Variants in XKRX observed in about 807,000 individuals in gnomAD.
XKRX encodes the protein XK-related protein 2.
XKRX carries 11 observed loss-of-function variants against 22.4 expected under a neutral mutation model. The observed-to-expected ratio is 0.49, with a 90% CI of 0.31 to 0.81. XKRX has a LOEUF of 0.81. Among genes scored for constraint, XKRX ranks in the 40% least tolerant of loss-of-function variants. XKRX has a pLI of 0.05. For missense variants in XKRX, 320 were observed against 336.5 expected (o/e 0.95, Z 0.38); for synonymous variants, 114 against 132.2 (o/e 0.86, Z 0.94).
chrX:100,898,458 C>G, the XKRX span, among the ~76,000 whole-genome samples: 3 of 108,931 alleles, frequency 2.8e-5, no homozygotes, highest in Admixed American at 2.0e-4. Flanking sequence ...TTGCCAAAAG[C>G]ATTTCACAGC....
At chrX:100,915,131 G>C (rs750638718) in intron 2 of XKRX, 48 bp from the exon 3 acceptor site, 1 of 1,161,072 alleles carries the variant, frequency 8.6e-7, no homozygotes, top group Non-Finnish European at 1.2e-6. Flanking sequence ...AGTCAATGTT[G>C]GTAATGAAGG....
Position 100,915,112 on chromosome X carries a change from C to A in XKRX, c.605-29G>T, listed in dbSNP as rs762145498. The A allele has an allele frequency of 2.5e-6, 3 of 1,184,712 alleles. No individual in the cohort carries two copies. In the African/African-American group the frequency reaches 5.5e-5, roughly 22 times the overall value. On this transcript the variant is annotated intron_variant, in intron 2 of 2. Coordinates refer to ENST00000372956, the MANE Select transcript of XKRX (RefSeq NM_212559.3). ...TTAAAAACAAAAACAAAAACAAAAA[C>A]AGGCAATCAGTCAATGTTGGTAATG...
chrX:100,910,603 G>T, downstream of XKRX: 36 of 171,478 alleles, frequency 2.1e-4, no homozygotes, highest in East Asian at 3.5e-4. Flanking sequence ...AAAAAAAAAA[G>T]ATTTCAGAGA....
downstream of XKRX, among the ~76,000 whole-genome samples, chrX:100,909,757 G>A (rs186586442): frequency 3.2e-4 from 35 of 110,182 alleles, no homozygotes; most frequent in African/African-American, 1.2e-3. Context: ...ACAAAAATCA[G>A]CTGGGCATGA....
chrX:100,922,096 G>C (rs2085476179), intron 2 of XKRX, among the ~76,000 whole-genome samples: 2 of 110,582 alleles, frequency 1.8e-5, no homozygotes, highest in African/African-American at 6.6e-5. Context: ...GCCTCCCAAA[G>C]TGCTGGGATT....
At chrX:100,905,347 C>T in the XKRX span, among the ~76,000 whole-genome samples, 1 of 112,264 alleles carries the variant, frequency 8.9e-6, no homozygotes, top group Non-Finnish European at 1.9e-5. Flanking sequence ...TCTATCATAA[C>T]TGGCCTTGTA....
Position 100,928,261 on chromosome X carries a change from G to T in XKRX, c.44C>A (p.Pro15Gln). Residue 15 changes from proline (P) to glutamine (Q), a missense_variant, in exon 1 of 3, where the codon CCG becomes CAG. Pro to Gln is a moderately conservative substitution (Grantham distance 76). Transcript: ENST00000372956. Reference sequence around the variant, plus strand: ...GACATCTTCCTCCAGAGATGAAACCGGATCCACATTTGGCTCCTCAGGAAT... The same window carrying T: ...GACATCTTCCTCCAGAGATGAAACCTGATCCACATTTGGCTCCTCAGGAAT... Reference protein sequence around the residue: ...YEIPEEPNVDPVSSLEEDVIR... With the variant: ...YEIPEEPNVDQVSSLEEDVIR... 4 of 1,211,159 alleles carry T rather than the reference G, an allele frequency of 3.3e-6. No homozygotes were observed. Among genetic ancestry groups the T allele is most frequent in the Non-Finnish European group, 4.5e-6 (4 of 895,420 alleles).
chrX:100,915,102 A>G lies in XKRX; in HGVS notation c.605-19T>C. On this transcript the variant is annotated intron_variant, in intron 2 of 2. Transcript: ENST00000372956. ...AGCACAACTGTTAAAAACAAAAACA[A>G]AAACAAAAACAGGCAATCAGTCAAT... 1 of 1,197,179 alleles carries G rather than the reference A, an allele frequency of 8.4e-7. No homozygotes were observed. The highest frequency in any genetic ancestry group is 1.1e-6 in the Non-Finnish European group (1 of 888,250).
the XKRX span, among the ~76,000 whole-genome samples, chrX:100,891,627 A>G: frequency 2.7e-5 from 3 of 109,578 alleles, no homozygotes; most frequent in Non-Finnish European, 5.7e-5. Flanking sequence ...CATGGTGCTC[A>G]TGCCTGTAAT....
the XKRX span, among the ~76,000 whole-genome samples, chrX:100,945,215 A>C: frequency 9.6e-6 from 1 of 103,869 alleles, no homozygotes; most frequent in African/African-American, 3.5e-5. Context: ...AGTAGCTAGG[A>C]CTACAGGTTA....
chrX:100,954,802 C>T, the XKRX span, among the ~76,000 whole-genome samples: 4 of 112,045 alleles, frequency 3.6e-5, no homozygotes, highest in African/African-American at 1.3e-4. Flanking sequence ...GTGAAAAGTG[C>T]CTGTCACAAA....
At chrX:100,951,660 C>A in the XKRX span, among the ~76,000 whole-genome samples, 11 of 110,523 alleles carry the variant, frequency 1.0e-4, no homozygotes, top group African/African-American at 3.6e-4. Context: ...GAAAAAAAAT[C>A]AATAAAATTG....
intron 1 of XKRX, among the ~76,000 whole-genome samples, chrX:100,923,671 C>T (rs1287950861): frequency 1.8e-5 from 2 of 110,997 alleles, no homozygotes; most frequent in African/African-American, 6.6e-5. Flanking sequence ...TAGAAAAGTG[C>T]CTTGAACACA....
At chrX:100,889,394 A>G in the XKRX span, among the ~76,000 whole-genome samples, 1 of 109,675 alleles carries the variant, frequency 9.1e-6, no homozygotes, top group Non-Finnish European at 1.9e-5. Flanking sequence ...TTACTTATTT[A>G]TTTATTTATT....
At chrX:100,936,176 G>A in the XKRX span, among the ~76,000 whole-genome samples, 1 of 111,419 alleles carries the variant, frequency 9.0e-6, no homozygotes, top group Non-Finnish European at 1.9e-5. Flanking sequence ...ATACAGGGAA[G>A]TGACAAAAAC....
chrX:100,897,500 G>A, the XKRX span, among the ~76,000 whole-genome samples: 3 of 104,817 alleles, frequency 2.9e-5, no homozygotes, highest in Non-Finnish European at 3.9e-5. Context: ...CAAGAGAATC[G>A]CTTGAACCGG....
chrX:100,922,398 T>A (rs1254917204), intron 2 of XKRX, among the ~76,000 whole-genome samples: 2 of 111,984 alleles, frequency 1.8e-5, no homozygotes, highest in African/African-American at 6.5e-5. Flanking sequence ...AGGGAAAATA[T>A]CCTACTGACT....
chrX:100,956,285 CAGCA>C, the XKRX span, among the ~76,000 whole-genome samples: 2 of 111,467 alleles, frequency 1.8e-5, no homozygotes, highest in Non-Finnish European at 3.8e-5. Flanking sequence ...ATGATCTGTG[CAGCA>C]AATCACCATG....
chrX:100,929,327 A>C (rs955188318), upstream of XKRX: 3 of 111,801 alleles, frequency 2.7e-5, no homozygotes, highest in South Asian at 3.8e-4. Flanking sequence ...GCAGGCGGCC[A>C]GCCGAGGGAT....
Sources: gnomAD v4.1 joint callset for allele counts (sites outside exome capture counted in the v4.1 genomes callset) on GRCh38, gnomAD v4.1.1 for gene constraint, MANE v1.5 for transcripts, NCBI Gene and HGNC (gene_info 2026-07-23, HGNC 2026-07-21) for gene names.